The following UCK2 variants were observed in gnomAD, a reference collection of about 807,000 sequenced individuals.
UCK2 encodes uridine-cytidine kinase 2.
A neutral mutation model predicts 30.8 loss-of-function variants in UCK2; 6 were observed. The observed-to-expected ratio is 0.19, with a 90% confidence interval of 0.11 to 0.38. The LOEUF (loss-of-function observed/expected upper bound fraction) is 0.38. Ranked by LOEUF, UCK2 falls within the 10% of genes least tolerant of loss-of-function variation. The pLI is 1.00. For missense variants in UCK2, 210 were observed against 339.8 expected, an observed-to-expected ratio of 0.62 and a Z score of 3.00; for synonymous variants, 125 against 133.6, an observed-to-expected ratio of 0.94 and a Z score of 0.45.
At position 165,827,911 on chromosome 1, in the gene UCK2, C is replaced by A; in HGVS notation, c.78C>A (p.Ser26Arg). ...NGGEPFLIGV[S>R]GGTASGKSSV... is the part of the protein sequence containing the mutation. ...GCGAGCCCTTCCTTATAGGCGTCAGCGGGGGAACAGCTAGCGGCAAGGTAC... is the reference window on the plus strand; with the variant it reads ...GCGAGCCCTTCCTTATAGGCGTCAGAGGGGGAACAGCTAGCGGCAAGGTAC... Residue 26 changes from serine to arginine, a missense_variant, in exon 1 of 7, where the codon AGC becomes AGA. By Grantham distance (110) the Ser-to-Arg change is moderately radical. Transcript: ENST00000367879. 2 of 1,452,392 alleles carry A rather than the reference C, an allele frequency of 1.4e-6. No individual in the cohort carries two copies. The highest frequency in any genetic ancestry group is 2.3e-5 in the Admixed American group (1 of 43,632). 90.0% of individuals were successfully genotyped at this position (1,452,392 alleles called of 1,614,324 possible). A position where few individuals can be genotyped will look rare whatever the true frequency, so the allele number is the denominator to read the frequency against.
intron 1 of UCK2, among the ~76,000 whole-genome samples, chr1:165,858,256 A>G (rs770542952): frequency 1.3e-5 from 2 of 152,164 alleles, no homozygotes; most frequent in African/African-American, 2.4e-5. Flanking sequence ...GTAGAGGCTC[A>G]GAGAGGTTAA....
In UCK2 at chr1:165,829,839, A is replaced by G. The variant is rs565062901; in HGVS notation, c.99+1907A>G. 2.6e-5 allele frequency among the ~76,000 whole-genome samples: 4 copies of G among 152,320 alleles called. No homozygotes were observed. The South Asian group carries it at 8.3e-4, about 32-fold the overall frequency. ...TCCGTTTTTCTGCAGTTTTCAAAGC[A>G]TGTTGTACATTTTTATTTATTAATT... On this transcript the variant is annotated intron_variant, in intron 1 of 6. Coordinates refer to ENST00000367879, the MANE Select transcript of UCK2 (RefSeq NM_012474.5).
chr1:165,898,508 A>G (rs1387824260), intron 4 of UCK2, among the ~76,000 whole-genome samples: 1 of 152,174 alleles, frequency 6.6e-6, no homozygotes, highest in Non-Finnish European at 1.5e-5. Context: ...TGCTCCGGTC[A>G]TGTCCTCAGG....
chr1:165,854,192 C>T (rs141149571), intron 1 of UCK2, among the ~76,000 whole-genome samples: 138 of 152,284 alleles, frequency 9.1e-4, no homozygotes, highest in Non-Finnish European at 1.6e-3. Flanking sequence ...TCACCAGGCA[C>T]CTCAGAGCAC....
chr1:165,909,563 T>A lies in UCK2; in HGVS notation c.*1740T>A, dbSNP rs913927934. ...TGCTATTTTAAAAAGTCAAACCTGG[T>A]CCCCAGCAGAGCTTGCCACCCGGAG... On this transcript the variant is annotated 3_prime_UTR_variant, in exon 7 of 7. Coordinates refer to ENST00000367879, the MANE Select transcript of UCK2 (RefSeq NM_012474.5). 1 of 152,172 alleles carries A rather than the reference T, an allele frequency of 6.6e-6. No homozygotes were observed. Among genetic ancestry groups the A allele is most frequent in the Non-Finnish European group, 1.5e-5 (1 of 68,044 alleles). 9.4% of individuals were successfully genotyped at this position (152,172 alleles called of 1,614,324 possible).
At chr1:165,869,363 G>A (rs1442991905) in intron 1 of UCK2, among the ~76,000 whole-genome samples, 2 of 151,980 alleles carry the variant, frequency 1.3e-5, no homozygotes, top group African/African-American at 2.4e-5. Flanking sequence ...AAAAAACGTA[G>A]TATCTGTGAA....
chr1:165,878,301 T>C (rs1655390767), intron 1 of UCK2, among the ~76,000 whole-genome samples: 1 of 151,970 alleles, frequency 6.6e-6, no homozygotes, highest in South Asian at 2.1e-4. Flanking sequence ...TTTCTCAGTG[T>C]CTTTTCATGG....
Position 165,890,324 on chromosome 1 carries a change from G to A in UCK2, c.220G>A (p.Ala74Thr). The change falls in exon 2 of 7, where the codon GCC becomes ACC. Residue 74 changes from alanine to threonine, a missense_variant. Transcript: ENST00000367879. ...FYRVLTSEQK[A>T]KALKGQFNFD... is the part of the protein sequence containing the mutation. ...CCGTGTCCTTACCTCGGAGCAGAAG[G>A]CCAAAGCCCTGAAGGGCCAGTTCAA... is the stretch of plus-strand genomic sequence containing the variant. 1 of 1,614,116 alleles carries A rather than the reference G, an allele frequency of 6.2e-7. No homozygotes were observed. The highest frequency in any genetic ancestry group is 1.3e-5 in the African/African-American group (1 of 75,002).
At chr1:165,846,738 G>A (rs986715354) in intron 1 of UCK2, among the ~76,000 whole-genome samples, 2 of 152,184 alleles carry the variant, frequency 1.3e-5, no homozygotes, top group Admixed American at 1.3e-4. Context: ...TTGGCAACAA[G>A]GATCCTGGAA....
Position 165,903,188 on chromosome 1 carries a change from G to T in UCK2, c.506G>T (p.Arg169Met). 1 of 1,613,702 alleles carries T rather than the reference G, an allele frequency of 6.2e-7. No individual in the cohort carries two copies. The highest frequency in any genetic ancestry group is 8.5e-7 in the Non-Finnish European group (1 of 1,179,752). The change falls in exon 5 of 7, where the codon AGG becomes ATG. Residue 169 changes from arginine to methionine, a missense_variant. Physicochemically the swap from Arg to Met is moderately conservative, Grantham distance 91. This residue lies in a region of UCK2 where 47 missense variants were observed against 128.7 expected (regional missense o/e 0.37). Transcript: ENST00000367879. ...ADTRLSRRVL[R>M]DISERGRDLE... ...GTTTTCCCTTCTCTTACAGTATTAA[G>T]GGACATCAGCGAGAGAGGCAGGGAT...
intron 2 of UCK2, 97 bp downstream of exon 2, chr1:165,890,460 C>T: frequency 7.9e-7 from 1 of 1,263,660 alleles, no homozygotes; most frequent in Non-Finnish European, 1.1e-6. Flanking sequence ...CTCTCGGAAT[C>T]TTGTTTCTAT....
At chr1:165,832,333 A>G (rs1654070770) in intron 1 of UCK2, among the ~76,000 whole-genome samples, 1 of 152,166 alleles carries the variant, frequency 6.6e-6, no homozygotes, top group African/African-American at 2.4e-5. Context: ...GTTCTGTGAG[A>G]GAATACTTTT....
chr1:165,890,177 C>G, intron 1 of UCK2, 27 bp from the exon 2 acceptor site: 1 of 1,612,722 alleles, frequency 6.2e-7, no homozygotes, highest in East Asian at 2.2e-5. Context: ...TTCTCTTATT[C>G]CTGGGTGCTC....
chr1:165,898,607 C>T (rs368086186), intron 4 of UCK2, among the ~76,000 whole-genome samples: 91 of 152,274 alleles, frequency 6.0e-4, no homozygotes, highest in African/African-American at 2.0e-3. Context: ...GGCCTCGCAG[C>T]AGGGAGTGCA....
intron 3 of UCK2, chr1:165,891,552 T>G: frequency 2.1e-6 from 1 of 474,406 alleles, no homozygotes; most frequent in Non-Finnish European, 3.8e-6. Context: ...GTTGTCACGA[T>G]TCCTTAACTC....
chr1:165,898,428 T>G (rs968453565), intron 4 of UCK2, among the ~76,000 whole-genome samples: 14 of 152,240 alleles, frequency 9.2e-5, no homozygotes, highest in African/African-American at 3.4e-4. Flanking sequence ...AATCTGCTTC[T>G]GCTGAAGGGG....
chr1:165,888,324 A>C (rs1233778259), intron 1 of UCK2, among the ~76,000 whole-genome samples: 1 of 150,824 alleles, frequency 6.6e-6, no homozygotes, highest in African/African-American at 2.4e-5. Context: ...ATGCAGTCTC[A>C]CTCTGTTGCC....
intron 1 of UCK2, among the ~76,000 whole-genome samples, chr1:165,850,693 A>G (rs1654570489): frequency 7.0e-6 from 1 of 141,932 alleles, no homozygotes; most frequent in South Asian, 2.2e-4. Context: ...ATCTTGGCCC[A>G]CTGCAAGCTC....
rs1029343728 is a variant in UCK2, at chr1:165,848,644, ACACACACACACACACC to A, written c.99+20728_99+20743del. Among the ~76,000 whole-genome samples, 231 of 151,334 alleles carry A rather than the reference ACACACACACACACACC, an allele frequency of 1.5e-3. 2 individuals carry two copies. Among genetic ancestry groups the A allele is most frequent in the African/African-American group, 5.3e-3 (218 of 41,296 alleles). On this transcript the variant is annotated intron_variant, in intron 1 of 6. Coordinates refer to ENST00000367879, the MANE Select transcript of UCK2 (RefSeq NM_012474.5). ...CAAGACTCTTGTCTCCAAACAAAACACACACACACACACACCCACACACACACACACACCCCCAAAA... is the reference window on the plus strand; with the variant it reads ...CAAGACTCTTGTCTCCAAACAAAACACACACACACACACACACCCCCAAAA...
Sources: allele counts gnomAD v4.1 joint callset (sites outside exome capture counted in the v4.1 genomes callset), GRCh38; gene constraint gnomAD v4.1.1; regional missense constraint gnomAD v4.1.1; transcripts MANE v1.5; gene names NCBI Gene and HGNC (gene_info 2026-07-23, HGNC 2026-07-21).